The following ADCY7 variants were observed in gnomAD, a reference collection of about 807,000 sequenced individuals.
The protein encoded by ADCY7 is adenylate cyclase 7.
ADCY7 carries 72 observed loss-of-function variants against 120.6 expected under a neutral mutation model. That is an observed-to-expected ratio of 0.60 (90% confidence interval 0.49 to 0.73). The LOEUF (loss-of-function observed/expected upper bound fraction) is 0.73, where lower values mean the gene tolerates loss of function less well. Ranked by LOEUF, ADCY7 falls within the 30% of genes least tolerant of loss-of-function variation. The pLI is 0.00. For missense variants in ADCY7, 1,227 were observed against 1,486.0 expected (o/e 0.83, Z 2.87); for synonymous variants, 661 against 628.0 (o/e 1.05, Z -0.78).
At chr16:50,314,793 C>T in intron 24 of ADCY7, 3 of 566,598 alleles carry the variant, frequency 5.3e-6, no homozygotes, top group Non-Finnish European at 9.3e-6. Context: ...GTGTTAACAT[C>T]AAACCCAGAC....
intron 1 of ADCY7, among the ~76,000 whole-genome samples, chr16:50,249,042 C>G (rs1280858499): frequency 2.6e-5 from 4 of 152,222 alleles, no homozygotes; most frequent in African/African-American, 9.6e-5. Flanking sequence ...GCTTTCTGCT[C>G]TCTGCGTAAG....
rs1349988757 is a variant in ADCY7, at chr16:50,312,890, G to A, written c.2605G>A (p.Asp869Asn). The change falls in exon 22 of 26, where the codon GAC becomes AAC. Residue 869 changes from aspartate (D) to asparagine (N), a missense_variant and splice_region_variant. Coordinates refer to ENST00000673801, the MANE Select transcript of ADCY7 (RefSeq NM_001114.5). ...AHFIGDKLNE[D>N]WYHQSYDCVC... Reference sequence around the variant, plus strand: ...TAAGGTCCGGTTTCTTCCCATCCAGGACTGGTACCATCAGTCCTATGACTG... The same window carrying A: ...TAAGGTCCGGTTTCTTCCCATCCAGAACTGGTACCATCAGTCCTATGACTG... 6.2e-7 allele frequency: 1 copy of A among 1,613,990 alleles called. No individual in the cohort carries two copies.
At chr16:50,285,691 G>C (rs3760014) in intron 1 of ADCY7, among the ~76,000 whole-genome samples, 99,432 of 152,058 alleles carry the variant, frequency 0.65, 33,358 homozygotes, top group Middle Eastern at 0.76. Flanking sequence ...CACTGGGGGC[G>C]TGGACTCTTG....
At chr16:50,283,953 G>A (rs767651696) in intron 1 of ADCY7, among the ~76,000 whole-genome samples, 29 of 152,328 alleles carry the variant, frequency 1.9e-4, no homozygotes, top group Non-Finnish European at 2.8e-4. Context: ...ATTCAATCCG[G>A]GAGCCCTGGA....
intron 6 of ADCY7, 29 bp from the exon 7 acceptor site, chr16:50,294,611 C>A: frequency 7.8e-7 from 1 of 1,289,796 alleles, no homozygotes; most frequent in Non-Finnish European, 1.1e-6. Context: ...CTGGCTCTGA[C>A]ACTCCCTCCC....
chr16:50,290,671 C>A lies in ADCY7; in HGVS notation c.375+11C>A, dbSNP rs1195894248. 16 of 1,607,090 alleles carry A rather than the reference C, an allele frequency of 1.0e-5. No individual in the cohort carries two copies. The highest frequency in any genetic ancestry group is 1.3e-5 in the Non-Finnish European group (15 of 1,175,142). ...TGTGCGTGGGAGCAGGTAACAGGAA[C>A]TCTGGACTCCCTGCCAGCTGCGCCT... On this transcript the variant is annotated intron_variant, in intron 3 of 25. Transcript: ENST00000673801.
intron 1 of ADCY7, among the ~76,000 whole-genome samples, chr16:50,267,930 TCCCACCTCCAGAGGC>T (rs994228376): frequency 6.6e-6 from 1 of 151,976 alleles, no homozygotes; most frequent in African/African-American, 2.4e-5. Flanking sequence ...TTGTCTGTCT[TCCCACCTCCAGAGGC>T]CCTGGGTTCC....
upstream of ADCY7, chr16:50,266,460 G>A (rs562054332): frequency 1.7e-4 from 26 of 156,758 alleles, no homozygotes; most frequent in Middle Eastern, 2.9e-3. Context: ...ACCCCGAGAG[G>A]CTGGGCTGTG....
rs1176902357 is a variant in ADCY7, at chr16:50,315,349, TC to T, written c.3097-8del. 18 of 1,602,028 alleles carry T rather than the reference TC, an allele frequency of 1.1e-5. No homozygotes were observed. Among genetic ancestry groups the T allele is most frequent in the Non-Finnish European group, 1.5e-5 (17 of 1,170,058 alleles). ...GCCTCTGAAGACAACAGGTCTCTCT[TC>T]CTTTTCAGGTTACCGAGGAGACCTG... On this transcript the variant is annotated splice_polypyrimidine_tract_variant and intron_variant, in intron 25 of 25. Transcript: ENST00000673801.
chr16:50,290,414 A>G (rs1178895098), intron 2 of ADCY7, 43 bp from the exon 3 acceptor site: 1 of 1,610,314 alleles, frequency 6.2e-7, no homozygotes, highest in African/African-American at 1.3e-5. Context: ...GTGGCTCTGC[A>G]CTGGGGAAAG....
At chr16:50,286,772 G>C (rs1343719401) in intron 1 of ADCY7, among the ~76,000 whole-genome samples, 2 of 152,230 alleles carry the variant, frequency 1.3e-5, no homozygotes, top group South Asian at 4.1e-4. Context: ...AATTCAGAGA[G>C]AGGATGGCCG....
intron 10 of ADCY7, chr16:50,301,862 C>G (rs554339167): frequency 5.9e-5 from 9 of 153,548 alleles, no homozygotes; most frequent in African/African-American, 2.2e-4. Context: ...GCTCCTTTCA[C>G]TCTGGTCCTC....
chr16:50,253,307 G>A (rs1222153485), intron 1 of ADCY7, among the ~76,000 whole-genome samples: 2 of 152,092 alleles, frequency 1.3e-5, no homozygotes, highest in Non-Finnish European at 2.9e-5. Context: ...CTGGAGTGCT[G>A]TGGCGCAATC....
chr16:50,311,591 A>C, intron 19 of ADCY7, 102 bp from the exon 20 acceptor site: 1 of 833,798 alleles, frequency 1.2e-6, no homozygotes, highest in Non-Finnish European at 2.1e-6. Context: ...ATTAGAATCA[A>C]TTTTCCCCTT....
upstream of ADCY7, among the ~76,000 whole-genome samples, chr16:50,263,628 C>A (rs914755467): frequency 1.3e-5 from 2 of 152,134 alleles, no homozygotes; most frequent in Non-Finnish European, 2.9e-5. Context: ...AAGCTCCCAG[C>A]AGGCAGTGGG....
chr16:50,280,851 T>C (rs1297287944), intron 1 of ADCY7, among the ~76,000 whole-genome samples: 1 of 152,142 alleles, frequency 6.6e-6, no homozygotes, highest in Non-Finnish European at 1.5e-5. Flanking sequence ...AAGAGACTTG[T>C]TTAGGGTCAC....
chr16:50,300,062 C>T (rs2035615384), intron 8 of ADCY7, among the ~76,000 whole-genome samples: 1 of 152,138 alleles, frequency 6.6e-6, no homozygotes, highest in Non-Finnish European at 1.5e-5. Context: ...TGGACCCCCT[C>T]TGTAGACGCC....
chr16:50,282,083 C>T (rs1332134136), intron 1 of ADCY7, among the ~76,000 whole-genome samples: 1 of 152,172 alleles, frequency 6.6e-6, no homozygotes, highest in Non-Finnish European at 1.5e-5. Context: ...ACTCCAAGGT[C>T]CCCACTTCCC....
chr16:50,269,990 A>G (rs2033453207), intron 1 of ADCY7, among the ~76,000 whole-genome samples: 1 of 152,242 alleles, frequency 6.6e-6, no homozygotes, highest in Non-Finnish European at 1.5e-5. Context: ...AGAGTTTGAG[A>G]CCAGCCTAGG....
Sources: allele counts gnomAD v4.1 joint callset (sites outside exome capture counted in the v4.1 genomes callset), GRCh38; gene constraint gnomAD v4.1.1; transcripts MANE v1.5; gene names NCBI Gene and HGNC (gene_info 2026-07-23, HGNC 2026-07-21).